SMARCC1: variants seen among roughly 807,000 people sequenced by gnomAD.
The protein encoded by SMARCC1 is SWI/SNF complex subunit SMARCC1.
A neutral mutation model predicts 147.4 loss-of-function variants in SMARCC1; 43 were observed. The ratio of observed to expected loss-of-function variants is 0.29; its 90% CI spans 0.23 to 0.38. SMARCC1 has a LOEUF of 0.38. Ranked by LOEUF, SMARCC1 falls within the 10% of genes least tolerant of loss-of-function variation. The pLI, the probability that SMARCC1 is intolerant of heterozygous loss-of-function variation, is 1.00. For missense variants in SMARCC1, 1,119 were observed against 1,381.1 expected (o/e 0.81, Z 3.01); for synonymous variants, 495 against 484.4 (o/e 1.02, Z -0.29).
At chr3:47,679,130 C>T (rs1262322888) in intron 15 of SMARCC1, among the ~76,000 whole-genome samples, 1 of 151,282 alleles carries the variant, frequency 6.6e-6, no homozygotes, top group Non-Finnish European at 1.5e-5. Context: ...AGCAACAGTT[C>T]TTGGCACACA....
intron 5 of SMARCC1, among the ~76,000 whole-genome samples, chr3:47,733,981 A>G (rs2034410042): frequency 1.3e-5 from 2 of 151,972 alleles, no homozygotes; most frequent in Non-Finnish European, 2.9e-5. Context: ...GTGTGTGTAT[A>G]TATATACATA....
chr3:47,643,866 A>G (rs1284698136), intron 21 of SMARCC1, among the ~76,000 whole-genome samples: 1 of 152,156 alleles, frequency 6.6e-6, no homozygotes, highest in African/African-American at 2.4e-5. Flanking sequence ...GCGGAACAAA[A>G]AACTAAATTA....
At chr3:47,608,193 T>C (rs927649669) in intron 26 of SMARCC1, among the ~76,000 whole-genome samples, 1 of 152,168 alleles carries the variant, frequency 6.6e-6, no homozygotes, top group African/African-American at 2.4e-5. Flanking sequence ...GTTCAAGCAA[T>C]ACCCATGCCT....
intron 2 of SMARCC1, among the ~76,000 whole-genome samples, chr3:47,753,712 CAAAA>C (rs71070226): frequency 1.1e-4 from 8 of 69,602 alleles, no homozygotes; most frequent in Non-Finnish European, 7.7e-5. Flanking sequence ...AACTCCATCT[CAAAA>C]AAAAAAAAAA....
intron 21 of SMARCC1, among the ~76,000 whole-genome samples, chr3:47,655,859 T>C (rs1274690684): frequency 2.6e-5 from 4 of 152,058 alleles, no homozygotes; most frequent in African/African-American, 9.7e-5. Context: ...TTCATAATGA[T>C]AGAAAAGAAA....
intron 4 of SMARCC1, 52 bp from the exon 5 acceptor site, chr3:47,736,178 C>G: frequency 3.7e-5 from 38 of 1,015,300 alleles, no homozygotes; most frequent in Non-Finnish European, 4.8e-5. Flanking sequence ...GAAATAATAT[C>G]ATATTATTTA....
intron 21 of SMARCC1, among the ~76,000 whole-genome samples, chr3:47,658,720 C>T (rs903347796): frequency 1.3e-5 from 2 of 151,986 alleles, no homozygotes; most frequent in African/African-American, 2.4e-5. Flanking sequence ...AAATTTTTTG[C>T]CAACAAATTA....
intron 3 of SMARCC1, among the ~76,000 whole-genome samples, chr3:47,744,867 A>C (rs986640956): frequency 6.6e-6 from 1 of 152,202 alleles, no homozygotes; most frequent in Non-Finnish European, 1.5e-5. Context: ...AGGGATTCTC[A>C]ATCTATCTAC....
intron 2 of SMARCC1, among the ~76,000 whole-genome samples, chr3:47,765,320 T>C (rs550286701): frequency 9.9e-5 from 15 of 151,832 alleles, no homozygotes; most frequent in African/African-American, 3.4e-4. Flanking sequence ...GAGGAGTTTA[T>C]GGTTGGGGAA....
intron 2 of SMARCC1, among the ~76,000 whole-genome samples, chr3:47,759,421 G>C: frequency 6.7e-6 from 1 of 150,056 alleles, no homozygotes; most frequent in East Asian, 2.1e-4. Context: ...GGGAGTTCAA[G>C]ACCAGCCTGG....
In SMARCC1 at chr3:47,750,435, A is replaced by AAAAT. The variant is rs565957715; in HGVS notation, c.316-4446_316-4443dup. On this transcript the variant is annotated intron_variant, in intron 2 of 27. Coordinates refer to ENST00000254480, the MANE Select transcript of SMARCC1 (RefSeq NM_003074.4). ...GGCGACAGAACGAAACTCCATCTCAAAAATAAATAAATAAATAAATAAATA... is the reference window on the plus strand; with the variant it reads ...GGCGACAGAACGAAACTCCATCTCAAAAATAAATAAATAAATAAATAAATAAATA... Among the ~76,000 whole-genome samples, 172 of 152,172 alleles carry AAAAT rather than the reference A, an allele frequency of 1.1e-3. 1 individual carries two copies. The highest frequency in any genetic ancestry group is 3.0e-3 in the African/African-American group (125 of 41,516).
intron 2 of SMARCC1, among the ~76,000 whole-genome samples, chr3:47,749,691 AAAGT>A (rs1160217962): frequency 1.3e-5 from 2 of 149,730 alleles, no homozygotes; most frequent in Non-Finnish European, 3.0e-5. Flanking sequence ...ACACACACAC[AAAGT>A]GAGACCCTCT....
chr3:47,647,198 T>C (rs918919635), intron 21 of SMARCC1, among the ~76,000 whole-genome samples: 1 of 152,212 alleles, frequency 6.6e-6, no homozygotes, highest in African/African-American at 2.4e-5. Context: ...AGATGGTACC[T>C]GACTTACAGT....
chr3:47,715,914 T>C (rs77319556), intron 7 of SMARCC1, among the ~76,000 whole-genome samples: 2 of 152,080 alleles, frequency 1.3e-5, no homozygotes, highest in African/African-American at 4.8e-5. Flanking sequence ...ATCTCTTTGC[T>C]CAAGGAGCCT....
chr3:47,768,683 T>C (rs1179262475), intron 2 of SMARCC1, among the ~76,000 whole-genome samples: 1 of 152,136 alleles, frequency 6.6e-6, no homozygotes, highest in Non-Finnish European at 1.5e-5. Context: ...TCTAGCCCAG[T>C]TCATAATGTA....
At chr3:47,654,080 T>C (rs2033227098) in intron 21 of SMARCC1, among the ~76,000 whole-genome samples, 1 of 152,242 alleles carries the variant, frequency 6.6e-6, no homozygotes, top group African/African-American at 2.4e-5. Flanking sequence ...TAGCCACTAA[T>C]GCTCTATGGT....
chr3:47,609,738 T>C (rs1350721490), intron 26 of SMARCC1, among the ~76,000 whole-genome samples: 1 of 152,208 alleles, frequency 6.6e-6, no homozygotes, highest in African/African-American at 2.4e-5. Flanking sequence ...GGGAGTTTGC[T>C]GTGTTGTGTG....
At chr3:47,708,158 G>A (rs1388311929) in intron 9 of SMARCC1, among the ~76,000 whole-genome samples, 1 of 123,430 alleles carries the variant, frequency 8.1e-6, no homozygotes, top group Non-Finnish European at 1.6e-5. Context: ...GGAGTGCAGT[G>A]GCGCGATCTC....
At chr3:47,766,402 C>CAA (rs776988913) in intron 2 of SMARCC1, among the ~76,000 whole-genome samples, 3 of 124,000 alleles carry the variant, frequency 2.4e-5, no homozygotes, top group Non-Finnish European at 3.5e-5. Flanking sequence ...CCTGTCTCTA[C>CAA]AAAAAAAAAA....
Sources: gnomAD v4.1 joint callset for allele counts (sites outside exome capture counted in the v4.1 genomes callset) on GRCh38, gnomAD v4.1.1 for gene constraint, MANE v1.5 for transcripts, NCBI Gene and HGNC (gene_info 2026-07-23, HGNC 2026-07-21) for gene names.